The following SYN2 variants were observed in gnomAD, a reference collection of about 807,000 sequenced individuals.
SYN2 encodes synapsin-2.
A neutral mutation model predicts 50.9 loss-of-function variants in SYN2; 19 were observed. The ratio of observed to expected loss-of-function variants is 0.37; its 90% CI spans 0.26 to 0.55. SYN2 has a LOEUF of 0.55. Ranked by LOEUF, SYN2 falls within the 20% of genes least tolerant of loss-of-function variation. SYN2 has a pLI of 0.81. For synonymous variants in SYN2, 255 were observed against 224.9 expected (o/e 1.13, Z -1.20); for missense variants, 587 against 576.4 (o/e 1.02, Z -0.19).
intron 10 of SYN2, among the ~76,000 whole-genome samples, chr3:12,179,518 G>A (rs1360060460): frequency 6.6e-6 from 1 of 152,018 alleles, no homozygotes; most frequent in African/African-American, 2.4e-5. Flanking sequence ...TCTCATGCCA[G>A]GAAGCTCACT....
intron 4 of SYN2, among the ~76,000 whole-genome samples, chr3:12,150,367 G>A (rs1272643002): frequency 2.0e-5 from 3 of 152,222 alleles, no homozygotes; most frequent in African/African-American, 7.2e-5. Flanking sequence ...AGCCTGAAAG[G>A]CAGCTACTTG....
intron 1 of SYN2, among the ~76,000 whole-genome samples, chr3:12,126,582 A>G (rs1696676111): frequency 1.3e-5 from 2 of 152,240 alleles, no homozygotes; most frequent in South Asian, 4.1e-4. Flanking sequence ...GAATAATGCC[A>G]TATTTTAGTT....
At chr3:12,168,050 G>A (rs1451673614) in intron 8 of SYN2, among the ~76,000 whole-genome samples, 1 of 152,156 alleles carries the variant, frequency 6.6e-6, no homozygotes, top group East Asian at 1.9e-4. Context: ...TCAAGAAGTA[G>A]CATGGCTTCT....
intron 1 of SYN2, among the ~76,000 whole-genome samples, chr3:12,077,319 T>A (rs946914151): frequency 1.3e-5 from 2 of 152,054 alleles, no homozygotes; most frequent in African/African-American, 4.8e-5. Context: ...AAAAAAAAAT[T>A]ATTTTTCTTT....
chr3:12,144,756 C>G (rs1024428410), intron 3 of SYN2, among the ~76,000 whole-genome samples: 1 of 152,150 alleles, frequency 6.6e-6, no homozygotes, highest in Non-Finnish European at 1.5e-5. Context: ...CGTGGTGGCT[C>G]GCACCTGTAA....
rs139223264 is a variant in SYN2 at position 12,021,580 on chromosome 3, A to G, written c.377+16652A>G. Among the ~76,000 whole-genome samples, 30 of 152,228 alleles carry G rather than the reference A, an allele frequency of 2.0e-4. 1 individual carries two copies. Among genetic ancestry groups the G allele is most frequent in the Admixed American group, 3.3e-4 (5 of 15,282 alleles). On this transcript the variant is annotated intron_variant, in intron 1 of 12. Transcript: ENST00000621198. ...AGCATAGCAACATCTTGTTTCTACAAATAAATAAATAAATTTTTAAAAATG... is the reference window on the plus strand; with the variant it reads ...AGCATAGCAACATCTTGTTTCTACAGATAAATAAATAAATTTTTAAAAATG...
intron 5 of SYN2, chr3:12,156,964 T>G: frequency 6.6e-7 from 1 of 1,523,450 alleles, no homozygotes; most frequent in Non-Finnish European, 9.1e-7. Flanking sequence ...AAAGGCAATA[T>G]TGGGTCAGTG....
chr3:12,012,120 C>T (rs1027662456), intron 1 of SYN2, among the ~76,000 whole-genome samples: 2 of 151,054 alleles, frequency 1.3e-5, no homozygotes, highest in Admixed American at 1.3e-4. Context: ...ACAATATCAT[C>T]AAAGGCTTTC....
At chr3:12,035,803 T>C (rs1045385164) in intron 1 of SYN2, among the ~76,000 whole-genome samples, 3 of 152,176 alleles carry the variant, frequency 2.0e-5, no homozygotes, top group Non-Finnish European at 4.4e-5. Context: ...AGCAAGAAAT[T>C]TAGAACAAAG....
At chr3:12,010,056 C>T (rs1349652056) in intron 1 of SYN2, among the ~76,000 whole-genome samples, 5 of 152,160 alleles carry the variant, frequency 3.3e-5, no homozygotes, top group African/African-American at 1.2e-4. Context: ...GATCGCACCA[C>T]TGCACTGTAG....
chr3:12,137,779 AT>A (rs975558216), intron 1 of SYN2, among the ~76,000 whole-genome samples: 22 of 152,104 alleles, frequency 1.4e-4, no homozygotes, highest in African/African-American at 5.3e-4. Flanking sequence ...ATAGCCACAC[AT>A]TTTTTCCCCT....
In SYN2 at chr3:12,070,884, G is replaced by A. The variant is rs17081036; in HGVS notation, c.377+65956G>A. The A allele has an allele frequency of 5.8e-3, 3,286 of 567,920 alleles. 34 individuals are homozygous for A. Among genetic ancestry groups the A allele is most frequent in the African/African-American group, 7.6e-3 (406 of 53,158 alleles). 35.2% of individuals were successfully genotyped at this position (567,920 alleles called of 1,614,324 possible). ...TCTTGGGTGACATCAAGGAGAAGCC[G>A]TGCTATGTTGCCCTGGACTTCGAAC... On this transcript the variant is annotated intron_variant, in intron 1 of 12. Transcript: ENST00000621198.
At chr3:12,057,767 C>T (rs1695026174) in intron 1 of SYN2, among the ~76,000 whole-genome samples, 1 of 151,814 alleles carries the variant, frequency 6.6e-6, no homozygotes, top group African/African-American at 2.4e-5. Flanking sequence ...TACTATGAGA[C>T]AATCAGGGAA....
At chr3:12,176,766 A>T (rs915537675) in intron 10 of SYN2, among the ~76,000 whole-genome samples, 1 of 152,234 alleles carries the variant, frequency 6.6e-6, no homozygotes, top group African/African-American at 2.4e-5. Context: ...AGACATCTCA[A>T]TGAGTGCATT....
chr3:12,034,516 C>A (rs1356151777), intron 1 of SYN2, among the ~76,000 whole-genome samples: 1 of 152,054 alleles, frequency 6.6e-6, no homozygotes, highest in Non-Finnish European at 1.5e-5. Context: ...AGAAAAAAAA[C>A]ATGTTTCTCA....
At chr3:12,129,739 G>A (rs919720228) in intron 1 of SYN2, among the ~76,000 whole-genome samples, 1 of 152,162 alleles carries the variant, frequency 6.6e-6, no homozygotes, top group African/African-American at 2.4e-5. Context: ...AGGTGGGCAG[G>A]TGTCTTCTGC....
intron 7 of SYN2, among the ~76,000 whole-genome samples, chr3:12,163,208 C>G (rs1215151062): frequency 6.9e-6 from 1 of 145,222 alleles, no homozygotes; most frequent in African/African-American, 2.6e-5. Flanking sequence ...CGCCACTGCA[C>G]TCCAGCCTGG....
chr3:12,090,879 A>G (rs1280278097), intron 1 of SYN2, among the ~76,000 whole-genome samples: 3 of 152,192 alleles, frequency 2.0e-5, no homozygotes, highest in African/African-American at 7.2e-5. Context: ...ATAGCACTAA[A>G]TGGTTTGCTT....
chr3:12,060,493 G>C (rs1304621650), intron 1 of SYN2, among the ~76,000 whole-genome samples: 1 of 152,166 alleles, frequency 6.6e-6, no homozygotes, highest in Non-Finnish European at 1.5e-5. Context: ...TCGTGAAGGT[G>C]ACAGGCCCAC....
Sources: gnomAD v4.1 joint callset for allele counts (sites outside exome capture counted in the v4.1 genomes callset) on GRCh38, gnomAD v4.1.1 for gene constraint, MANE v1.5 for transcripts, NCBI Gene and HGNC (gene_info 2026-07-23, HGNC 2026-07-21) for gene names.